The following MALRD1 variants were observed in gnomAD, a reference collection of about 807,000 sequenced individuals.
MALRD1 encodes the protein MAM and LDL receptor class A domain containing 1, also known as MAM and LDL-receptor class A domain-containing protein 1.
In MALRD1, 247 loss-of-function variants were observed where a neutral mutation model predicts 242.1. The ratio of observed to expected loss-of-function variants is 1.02; its 90% CI spans 0.92 to 1.13. The LOEUF (loss-of-function observed/expected upper bound fraction) is 1.13, where lower values mean the gene tolerates loss of function less well. Ranked by LOEUF, MALRD1 falls within the 50% of genes most tolerant of loss-of-function variation. The pLI, the probability that MALRD1 is intolerant of heterozygous loss-of-function variation, is 0.00. For synonymous variants in MALRD1, 995 were observed against 866.6 expected, an observed-to-expected ratio of 1.15 and a Z score of -2.60; for missense variants, 2,989 against 2,533.1, an observed-to-expected ratio of 1.18 and a Z score of -3.86.
intron 33 of MALRD1, among the ~76,000 whole-genome samples, chr10:19,575,483 TCA>T (rs66882231): frequency 0.65 from 96,390 of 148,428 alleles, 32,823 homozygotes; most frequent in East Asian, 0.8. Context: ...AGGCCATGGT[TCA>T]CACACACACA....
intron 31 of MALRD1, among the ~76,000 whole-genome samples, chr10:19,500,808 T>C (rs1212183900): frequency 6.6e-6 from 1 of 152,220 alleles, no homozygotes; most frequent in Non-Finnish European, 1.5e-5. Context: ...TGATCATTTA[T>C]ATGTTCCTTC....
At chr10:19,231,975 A>G (rs988701704) in intron 18 of MALRD1, among the ~76,000 whole-genome samples, 3 of 152,128 alleles carry the variant, frequency 2.0e-5, no homozygotes, top group African/African-American at 4.8e-5. Flanking sequence ...TCTTTTAATA[A>G]TCTTTCCAAA....
intron 21 of MALRD1, among the ~76,000 whole-genome samples, chr10:19,322,487 A>G (rs1842947649): frequency 6.6e-6 from 1 of 152,186 alleles, no homozygotes; most frequent in South Asian, 2.1e-4. Context: ...TGTGTTAGAT[A>G]TTACACATAT....
At chr10:19,423,535 C>T (rs145339319) in intron 28 of MALRD1, among the ~76,000 whole-genome samples, 168 of 151,962 alleles carry the variant, frequency 1.1e-3, no homozygotes, top group African/African-American at 3.8e-3. Context: ...TACATTAAGC[C>T]GTGAGTCACT....
chr10:19,471,995 T>C (rs1255875598), intron 29 of MALRD1, among the ~76,000 whole-genome samples: 1 of 152,004 alleles, frequency 6.6e-6, no homozygotes, highest in Non-Finnish European at 1.5e-5. Flanking sequence ...ATTCTTGCTT[T>C]GTTCCTGATC....
chr10:19,532,695 C>G (rs1673670785), intron 32 of MALRD1, among the ~76,000 whole-genome samples: 1 of 151,768 alleles, frequency 6.6e-6, no homozygotes, highest in South Asian at 2.1e-4. Context: ...AATTGAAACT[C>G]TTAAGTAAAA....
chr10:19,077,628 T>G (rs1334933413), intron 2 of MALRD1, among the ~76,000 whole-genome samples: 3 of 152,040 alleles, frequency 2.0e-5, no homozygotes, highest in Admixed American at 1.3e-4. Flanking sequence ...GAAGTGCTTG[T>G]TTTTACAGTA....
intron 21 of MALRD1, among the ~76,000 whole-genome samples, chr10:19,303,162 A>G (rs1842024267): frequency 6.6e-6 from 1 of 151,688 alleles, no homozygotes; most frequent in Non-Finnish European, 1.5e-5. Flanking sequence ...GTTAAATAAA[A>G]GGATTCAACA....
intron 28 of MALRD1, among the ~76,000 whole-genome samples, chr10:19,398,176 A>T (rs1299691422): frequency 6.6e-6 from 1 of 151,340 alleles, no homozygotes; most frequent in Non-Finnish European, 1.5e-5. Context: ...GTGCAATCTC[A>T]TTTGTCTATT....
intron 18 of MALRD1, among the ~76,000 whole-genome samples, chr10:19,219,305 A>G (rs557140520): frequency 5.1e-4 from 77 of 152,306 alleles, no homozygotes; most frequent in Non-Finnish European, 8.1e-4. Flanking sequence ...ATACTATACT[A>G]ATGCAATAAT....
At chr10:19,303,298 C>G (rs549298395) in intron 21 of MALRD1, among the ~76,000 whole-genome samples, 1 of 151,692 alleles carries the variant, frequency 6.6e-6, no homozygotes, top group South Asian at 2.1e-4. Flanking sequence ...GACAACAATT[C>G]ATTTTATAAT....
intron 36 of MALRD1, among the ~76,000 whole-genome samples, chr10:19,633,242 A>G (rs576546624): frequency 1.1e-4 from 17 of 152,282 alleles, no homozygotes; most frequent in African/African-American, 3.6e-4. Flanking sequence ...AAGAAAAAAA[A>G]AGAGAGACAG....
intron 32 of MALRD1, among the ~76,000 whole-genome samples, chr10:19,562,879 A>T (rs987210753): frequency 6.6e-6 from 1 of 152,106 alleles, no homozygotes; most frequent in African/African-American, 2.4e-5. Flanking sequence ...TGATGATCTG[A>T]GGTGGAGCAG....
chr10:19,371,100 A>AG (rs1457514691), intron 26 of MALRD1, among the ~76,000 whole-genome samples: 7 of 149,886 alleles, frequency 4.7e-5, no homozygotes, highest in African/African-American at 1.7e-4. Context: ...ATTAAAAAAA[A>AG]AAAAAAAAAA....
chr10:19,180,163 C>A lies in MALRD1; in HGVS notation c.1951+4835C>A, dbSNP rs192777831. ...GTTTTGAGTCAAGACAGTGGAGGAA[C>A]ACAGACATTTTCCAGAAGTGTGGTG... On this transcript the variant is annotated intron_variant, in intron 14 of 39. Transcript: ENST00000454679. 4.6e-5 allele frequency among the ~76,000 whole-genome samples: 7 copies of A among 152,272 alleles called. No homozygotes were observed. The East Asian group carries it at 1.4e-3, about 29-fold the overall frequency.
At chr10:19,646,089 T>G (rs1363855989) in intron 36 of MALRD1, among the ~76,000 whole-genome samples, 1 of 152,102 alleles carries the variant, frequency 6.6e-6, no homozygotes, top group Non-Finnish European at 1.5e-5. Context: ...TTTCAAAAAT[T>G]TTTCTTTTCT....
At chr10:19,611,209 T>G (rs1166729778) in intron 35 of MALRD1, among the ~76,000 whole-genome samples, 1 of 151,922 alleles carries the variant, frequency 6.6e-6, no homozygotes, top group African/African-American at 2.4e-5. Context: ...ATACTTAGAG[T>G]ACCTAGCTCA....
At chr10:19,395,410 G>C (rs530413045) in intron 28 of MALRD1, among the ~76,000 whole-genome samples, 1 of 152,238 alleles carries the variant, frequency 6.6e-6, no homozygotes, top group East Asian at 1.9e-4. Flanking sequence ...AGCAAAGGGG[G>C]AACTACTCGA....
chr10:19,282,465 G>A (rs192757249), intron 20 of MALRD1, among the ~76,000 whole-genome samples: 31 of 152,146 alleles, frequency 2.0e-4, no homozygotes, highest in African/African-American at 6.3e-4. Context: ...GAACACATTC[G>A]GAGAGAGAAT....
Sources: allele counts gnomAD v4.1 joint callset (sites outside exome capture counted in the v4.1 genomes callset), GRCh38; gene constraint gnomAD v4.1.1; transcripts MANE v1.5; gene names NCBI Gene and HGNC (gene_info 2026-07-23, HGNC 2026-07-21).